The following ADAM12 variants were observed in gnomAD, a reference collection of about 807,000 sequenced individuals.
ADAM12 encodes the protein disintegrin and metalloproteinase domain-containing protein 12.
A neutral mutation model predicts 106.4 loss-of-function variants in ADAM12; 70 were observed. The ratio of observed to expected loss-of-function variants is 0.66; its 90% CI spans 0.54 to 0.80. The LOEUF is 0.80. Ranked by LOEUF, ADAM12 falls within the 30% of genes least tolerant of loss-of-function variation. ADAM12 has a pLI of 0.00. For missense variants in ADAM12, 1,010 were observed against 1,171.9 expected, an observed-to-expected ratio of 0.86 and a Z score of 2.02; for synonymous variants, 420 against 433.5, an observed-to-expected ratio of 0.97 and a Z score of 0.39.
At chr10:126,283,532 C>G (rs2133763725) in intron 2 of ADAM12, among the ~76,000 whole-genome samples, 1 of 152,304 alleles carries the variant, frequency 6.6e-6, no homozygotes, top group East Asian at 1.9e-4. Flanking sequence ...TGGGGTTTTC[C>G]TTTACGCCTC....
intron 21 of ADAM12, among the ~76,000 whole-genome samples, chr10:126,034,789 T>C (rs1954029712): frequency 6.6e-6 from 1 of 152,144 alleles, no homozygotes; most frequent in Non-Finnish European, 1.5e-5. Flanking sequence ...TTTCCTATTG[T>C]GAAATATCAT....
At position 126,277,978 on chromosome 10, in the gene ADAM12, A is replaced by T. The variant is rs17154646; in HGVS notation, c.260+937T>A. On this transcript the variant is annotated intron_variant, in intron 3 of 22. Transcript: ENST00000448723. ...CAAGTAAATGATCTGAGTTGTTTAC[A>T]GGGAGATGTTGAGTCAGGTTCTGGG... Among the ~76,000 whole-genome samples, 1,283 of 152,332 alleles carry T rather than the reference A, an allele frequency of 8.4e-3. 30 individuals carry two copies. The East Asian group carries it at 0.11, about 13-fold the overall frequency.
intron 2 of ADAM12, among the ~76,000 whole-genome samples, chr10:126,312,877 C>A (rs748457206): frequency 5.3e-5 from 8 of 152,228 alleles, no homozygotes; most frequent in Admixed American, 1.3e-4. Flanking sequence ...ATGTGAGCCA[C>A]ATCGCCAAAG....
chr10:126,087,393 A>G (rs1278364), intron 11 of ADAM12, among the ~76,000 whole-genome samples: 106,633 of 151,940 alleles, frequency 0.7, 37,917 homozygotes, highest in East Asian at 0.82. Context: ...GGTACAGCTG[A>G]CTCCATTACT....
At position 126,309,967 on chromosome 10, in the gene ADAM12, G is replaced by A. The variant is rs148309870; in HGVS notation, c.186+20445C>T. The stretch of plus-strand genomic sequence containing the variant: ...TGAGGTCAGAAGTTCAAGACCAGCC[G>A]GGCCAACATGGTGAAACCCCATCTC... On this transcript the variant is annotated intron_variant, in intron 2 of 22. Transcript: ENST00000448723. 2.2e-3 allele frequency among the ~76,000 whole-genome samples: 336 copies of A among 151,590 alleles called. 2 individuals carry two copies. The highest frequency in any genetic ancestry group is 7.8e-3 in the African/African-American group (322 of 41,390).
chr10:126,133,705 A>G (rs1272939549), intron 5 of ADAM12, among the ~76,000 whole-genome samples: 2 of 152,008 alleles, frequency 1.3e-5, no homozygotes, highest in Admixed American at 6.5e-5. Flanking sequence ...TGGTGATCCT[A>G]CCTTTCCACT....
Position 126,155,138 on chromosome 10 carries a change from T to G in ADAM12, c.339+89A>C, listed in dbSNP as rs868554880. ...GGGGCCTAAGTTAAGAATCTGGGCA[T>G]GTGATTTTGCTCCGAATAAAATGGC... On this transcript the variant is annotated intron_variant, in intron 4 of 22. Transcript: ENST00000448723. 2.6e-5 allele frequency: 37 copies of G among 1,413,676 alleles called. No individual in the cohort carries two copies. In the African/African-American group the frequency reaches 4.4e-4, roughly 17 times the overall value. The allele number at this position is 1,413,676 out of a possible 1,614,324, so 87.6% of individuals were successfully genotyped here. A position where few individuals can be genotyped will look rare whatever the true frequency, so the allele number is the denominator to read the frequency against.
chr10:126,060,445 T>C (rs149009292), intron 14 of ADAM12, among the ~76,000 whole-genome samples: 1,673 of 152,268 alleles, frequency 0.011, 27 homozygotes, highest in African/African-American at 0.038. Context: ...GGTGCAAATG[T>C]CAAGGGCCGG....
At chr10:126,200,962 C>A (rs1490387667) in intron 3 of ADAM12, among the ~76,000 whole-genome samples, 2 of 152,116 alleles carry the variant, frequency 1.3e-5, no homozygotes. Context: ...AAACAGTAGA[C>A]CAGTCTGGGC....
intron 1 of ADAM12, among the ~76,000 whole-genome samples, chr10:126,386,813 C>T (rs890204816): frequency 6.6e-6 from 1 of 152,174 alleles, no homozygotes; most frequent in Admixed American, 6.5e-5. Context: ...TTCAAAAGGA[C>T]CAATTTGTTT....
intron 2 of ADAM12, among the ~76,000 whole-genome samples, chr10:126,328,946 G>A (rs1366756853): frequency 1.3e-5 from 2 of 152,138 alleles, no homozygotes; most frequent in Non-Finnish European, 2.9e-5. Context: ...TCTGCCAGGT[G>A]GCTGGAGGGT....
In ADAM12 at chr10:126,279,007, A is replaced by C; in HGVS notation, c.187-19T>G. The C allele has an allele frequency of 6.2e-7, 1 of 1,600,960 alleles. No homozygotes were observed. The highest frequency in any genetic ancestry group is 8.6e-7 in the Non-Finnish European group (1 of 1,169,356). On this transcript the variant is annotated intron_variant, in intron 2 of 22. Transcript: ENST00000448723. ...GATGATTCTGAAAGATAAACAACAAAAGTCAGTTGAAAAACGCTTGGCTTT... is the reference window on the plus strand; with the variant it reads ...GATGATTCTGAAAGATAAACAACAACAGTCAGTTGAAAAACGCTTGGCTTT...
At chr10:126,357,109 C>A (rs1855566079) in intron 1 of ADAM12, among the ~76,000 whole-genome samples, 1 of 152,146 alleles carries the variant, frequency 6.6e-6, no homozygotes, top group Non-Finnish European at 1.5e-5. Flanking sequence ...GTCCTGAAAG[C>A]ACAGAAGTTT....
intron 14 of ADAM12, among the ~76,000 whole-genome samples, chr10:126,055,081 A>G (rs1158164504): frequency 6.6e-6 from 1 of 152,218 alleles, no homozygotes; most frequent in Non-Finnish European, 1.5e-5. Context: ...ATCTCATCTG[A>G]AACCCTAATA....
chr10:126,217,892 T>C (rs1958016872), intron 3 of ADAM12, among the ~76,000 whole-genome samples: 1 of 151,546 alleles, frequency 6.6e-6, no homozygotes. Flanking sequence ...GGAGAATTGC[T>C]TGAACCCGGG....
chr10:126,304,638 TCTG>T (rs1461203597), intron 2 of ADAM12, among the ~76,000 whole-genome samples: 1 of 152,122 alleles, frequency 6.6e-6, no homozygotes, highest in Non-Finnish European at 1.5e-5. Flanking sequence ...ATTTTAAAAT[TCTG>T]CTGATCAAAA....
At chr10:126,160,498 G>C (rs1956913141) in intron 3 of ADAM12, among the ~76,000 whole-genome samples, 1 of 152,192 alleles carries the variant, frequency 6.6e-6, no homozygotes, top group African/African-American at 2.4e-5. Flanking sequence ...GAGAGATGGA[G>C]AGAAGCAATA....
At chr10:126,112,245 G>A (rs1955883038) in intron 6 of ADAM12, among the ~76,000 whole-genome samples, 1 of 151,802 alleles carries the variant, frequency 6.6e-6, no homozygotes, top group Admixed American at 6.6e-5. Flanking sequence ...TGAGAGGAGG[G>A]AATTTAGAGG....
At chr10:126,050,398 C>T (rs190476587) in intron 14 of ADAM12, among the ~76,000 whole-genome samples, 1 of 152,326 alleles carries the variant, frequency 6.6e-6, no homozygotes, top group East Asian at 1.9e-4. Flanking sequence ...TGGAGGACTC[C>T]TGAATCCTGG....
Sources: allele counts gnomAD v4.1 joint callset (sites outside exome capture counted in the v4.1 genomes callset), GRCh38; gene constraint gnomAD v4.1.1; transcripts MANE v1.5; gene names NCBI Gene and HGNC (gene_info 2026-07-23, HGNC 2026-07-21).